The following LRP1B variants were observed in gnomAD, a reference collection of about 807,000 sequenced individuals.
The protein encoded by LRP1B is low-density lipoprotein receptor-related protein 1B.
A neutral mutation model predicts 556.6 loss-of-function variants in LRP1B; 217 were observed. That is an observed-to-expected ratio of 0.39 (90% CI 0.35 to 0.44). The LOEUF (loss-of-function observed/expected upper bound fraction) is 0.44. LRP1B is among the 20% of genes least tolerant of loss of function. The pLI, the probability that LRP1B is intolerant of heterozygous loss-of-function variation, is 1.00. For synonymous variants in LRP1B, 2,047 were observed against 1,865.8 expected (o/e 1.10, Z -2.50); for missense variants, 5,053 against 5,620.8 (o/e 0.90, Z 3.23).
At chr2:141,508,376 T>A (rs770657650) in intron 2 of LRP1B, among the ~76,000 whole-genome samples, 2 of 152,216 alleles carry the variant, frequency 1.3e-5, no homozygotes, top group Non-Finnish European at 2.9e-5. Context: ...ATATAGTCCA[T>A]TATTCACACA....
chr2:141,047,777 C>T (rs553739877), intron 11 of LRP1B, among the ~76,000 whole-genome samples: 1 of 152,220 alleles, frequency 6.6e-6, no homozygotes, highest in South Asian at 2.1e-4. Context: ...CCCACACCCT[C>T]TTTCTAGAGA....
At chr2:141,607,614 A>G (rs193022213) in intron 2 of LRP1B, among the ~76,000 whole-genome samples, 2 of 152,304 alleles carry the variant, frequency 1.3e-5, no homozygotes, top group Admixed American at 1.3e-4. Flanking sequence ...AGACAAAGTG[A>G]TCAATTAAAA....
At chr2:141,393,075 G>A (rs544802543) in intron 3 of LRP1B, among the ~76,000 whole-genome samples, 1 of 152,156 alleles carries the variant, frequency 6.6e-6, no homozygotes, top group South Asian at 2.1e-4. Flanking sequence ...ATTCTGTGGA[G>A]CACCCATATT....
intron 7 of LRP1B, among the ~76,000 whole-genome samples, chr2:141,123,554 G>A (rs1229806699): frequency 6.6e-6 from 1 of 152,006 alleles, no homozygotes; most frequent in Non-Finnish European, 1.5e-5. Context: ...CTGTAAATAT[G>A]CTCTCTACTA....
chr2:141,975,470 A>T (rs1217737955), intron 1 of LRP1B, among the ~76,000 whole-genome samples: 1 of 152,062 alleles, frequency 6.6e-6, no homozygotes, highest in Non-Finnish European at 1.5e-5. Context: ...ATCCCAGGCA[A>T]AGCCACAGAA....
intron 1 of LRP1B, among the ~76,000 whole-genome samples, chr2:141,829,978 G>T (rs1456396620): frequency 6.6e-6 from 1 of 151,814 alleles, no homozygotes; most frequent in African/African-American, 2.4e-5. Context: ...TGGGAAGTGT[G>T]TGGAAATGCC....
intron 60 of LRP1B, among the ~76,000 whole-genome samples, chr2:140,471,340 C>T (rs775448589): frequency 1.6e-4 from 25 of 152,064 alleles, no homozygotes; most frequent in Non-Finnish European, 3.4e-4. Flanking sequence ...TTAAAATTAA[C>T]GCATCTCCCA....
At chr2:141,421,728 T>C (rs1447891472) in intron 3 of LRP1B, among the ~76,000 whole-genome samples, 1 of 151,716 alleles carries the variant, frequency 6.6e-6, no homozygotes, top group African/African-American at 2.4e-5. Context: ...ATTAAGTGTC[T>C]TTTGCTAGAG....
intron 35 of LRP1B, among the ~76,000 whole-genome samples, chr2:140,750,651 G>A (rs1448856756): frequency 2.0e-5 from 3 of 152,046 alleles, no homozygotes; most frequent in African/African-American, 7.2e-5. Flanking sequence ...GTCCACAAAG[G>A]ATAAACCTTA....
chr2:140,701,515 C>T (rs1444638020), intron 40 of LRP1B, among the ~76,000 whole-genome samples: 1 of 152,000 alleles, frequency 6.6e-6, no homozygotes, highest in Non-Finnish European at 1.5e-5. Flanking sequence ...TGTACCTGTG[C>T]TGTCCTGGGC....
intron 7 of LRP1B, among the ~76,000 whole-genome samples, chr2:141,128,029 G>T (rs1360983137): frequency 1.3e-5 from 2 of 151,882 alleles, no homozygotes; most frequent in Non-Finnish European, 2.9e-5. Flanking sequence ...TTGCTATATT[G>T]CCTAGGCTAG....
At chr2:141,563,547 C>T (rs1302972945) in intron 2 of LRP1B, among the ~76,000 whole-genome samples, 1 of 151,986 alleles carries the variant, frequency 6.6e-6, no homozygotes, top group African/African-American at 2.4e-5. Context: ...GGGCTACTGA[C>T]ATTTTAAAAT....
At chr2:141,016,252 A>G (rs1465337723) in intron 12 of LRP1B, among the ~76,000 whole-genome samples, 1 of 152,106 alleles carries the variant, frequency 6.6e-6, no homozygotes, top group African/African-American at 2.4e-5. Flanking sequence ...TTTCTGGGTC[A>G]TTACTATTTT....
chr2:140,687,989 ATCTC>A (rs1441222234), intron 41 of LRP1B, among the ~76,000 whole-genome samples: 4 of 152,188 alleles, frequency 2.6e-5, no homozygotes, highest in African/African-American at 9.6e-5. Context: ...CCTGCCATAA[ATCTC>A]TCACAAGGAA....
intron 1 of LRP1B, among the ~76,000 whole-genome samples, chr2:142,000,010 CATTT>C (rs1338186685): frequency 7.0e-6 from 1 of 142,212 alleles, no homozygotes; most frequent in South Asian, 2.2e-4. Flanking sequence ...TATATATACA[CATTT>C]ATTATATATA....
chr2:140,580,549 G>A (rs978586722), intron 43 of LRP1B, among the ~76,000 whole-genome samples: 1 of 152,162 alleles, frequency 6.6e-6, no homozygotes, highest in Middle Eastern at 3.2e-3. Context: ...AAGTAGGGGT[G>A]TAACAGCCTA....
At chr2:141,318,390 T>C (rs561169775) in intron 3 of LRP1B, among the ~76,000 whole-genome samples, 1 of 152,306 alleles carries the variant, frequency 6.6e-6, no homozygotes, top group African/African-American at 2.4e-5. Flanking sequence ...TTTAGCTATA[T>C]GAATTTGGGG....
rs113884547 is a variant in LRP1B at position 141,060,537 on chromosome 2, G to A, written c.1237-1483C>T. Among the ~76,000 whole-genome samples the A allele has an allele frequency of 8.1e-3, 1,229 of 151,702 alleles. 7 individuals are homozygous for A. The highest frequency in any genetic ancestry group is 0.028 in the African/African-American group (1,148 of 41,438). ...AGACTCTTCCTTTGCCATTAGTCTC[G>A]TGCATGTTTTGCTCAAAGTTTGGGG... On this transcript the variant is annotated intron_variant, in intron 8 of 90. Coordinates refer to ENST00000389484, the MANE Select transcript of LRP1B (RefSeq NM_018557.3).
chr2:141,294,878 T>A (rs1686123230), intron 3 of LRP1B, among the ~76,000 whole-genome samples: 1 of 152,136 alleles, frequency 6.6e-6, no homozygotes, highest in Non-Finnish European at 1.5e-5. Flanking sequence ...TCAATGAGAT[T>A]ATTTAATTTT....
Sources: gnomAD v4.1 joint callset for allele counts (sites outside exome capture counted in the v4.1 genomes callset) on GRCh38, gnomAD v4.1.1 for gene constraint, MANE v1.5 for transcripts, NCBI Gene and HGNC (gene_info 2026-07-23, HGNC 2026-07-21) for gene names.